Variants in CA10 observed in about 807,000 individuals in gnomAD.
CA10 encodes the protein carbonic anhydrase-related protein 10.
In CA10, 14 loss-of-function variants were observed where a neutral mutation model predicts 44.2. That is an observed-to-expected ratio of 0.32 (90% CI 0.21 to 0.50). The LOEUF (loss-of-function observed/expected upper bound fraction) is 0.50, where lower values mean the gene tolerates loss of function less well. Ranked by LOEUF, CA10 falls within the 20% of genes least tolerant of loss-of-function variation. CA10 has a pLI of 0.99. For missense variants in CA10, 350 were observed against 409.7 expected (o/e 0.85, Z 1.26); for synonymous variants, 159 against 141.6 (o/e 1.12, Z -0.87).
At chr17:51,922,537 C>T (rs1236192456) in intron 3 of CA10, among the ~76,000 whole-genome samples, 5 of 152,176 alleles carry the variant, frequency 3.3e-5, no homozygotes, top group African/African-American at 1.2e-4. Flanking sequence ...TCTGGTCCTC[C>T]TTGGCTCTAA....
At chr17:51,892,977 T>A (rs1980922693) in intron 3 of CA10, among the ~76,000 whole-genome samples, 2 of 152,160 alleles carry the variant, frequency 1.3e-5, no homozygotes, top group African/African-American at 2.4e-5. Flanking sequence ...TTTTCATTAC[T>A]TCCAGTTAAA....
At chr17:51,756,917 C>G (rs1408334615) in intron 3 of CA10, among the ~76,000 whole-genome samples, 2 of 152,080 alleles carry the variant, frequency 1.3e-5, no homozygotes, top group East Asian at 3.9e-4. Flanking sequence ...AGTTCCAGTC[C>G]CCGCTTGCTG....
chr17:52,051,644 C>T (rs1159751868), intron 2 of CA10, among the ~76,000 whole-genome samples: 1 of 151,972 alleles, frequency 6.6e-6, no homozygotes, highest in Non-Finnish European at 1.5e-5. Context: ...ATAACATATG[C>T]TGACAAGGTT....
At chr17:51,745,575 C>G (rs943948964) in intron 4 of CA10, among the ~76,000 whole-genome samples, 5 of 151,956 alleles carry the variant, frequency 3.3e-5, no homozygotes, top group Non-Finnish European at 7.4e-5. Context: ...AATTCATACA[C>G]TAAGAGATCA....
chr17:51,857,537 T>A (rs8076116), intron 3 of CA10, among the ~76,000 whole-genome samples: 1 of 152,104 alleles, frequency 6.6e-6, no homozygotes, highest in African/African-American at 2.4e-5. Flanking sequence ...TACAAAAATC[T>A]GGTTCAGATA....
At chr17:51,636,170 T>C (rs1912819997) in intron 6 of CA10, among the ~76,000 whole-genome samples, 161 bp from the exon 7 acceptor site, 1 of 152,164 alleles carries the variant, frequency 6.6e-6, no homozygotes, top group Admixed American at 6.5e-5. Context: ...ACTCTATCTG[T>C]CAGAACAGGC....
chr17:51,855,994 A>G (rs1215235397), intron 3 of CA10, among the ~76,000 whole-genome samples: 1 of 152,132 alleles, frequency 6.6e-6, no homozygotes, highest in East Asian at 1.9e-4. Flanking sequence ...TGGGGGGCTG[A>G]AGGAGCAAAC....
intron 3 of CA10, among the ~76,000 whole-genome samples, chr17:51,891,750 C>T (rs1567875244): frequency 6.6e-6 from 1 of 152,096 alleles, no homozygotes; most frequent in Admixed American, 6.6e-5. Context: ...TTCCTTTTGC[C>T]CCGCCCTGTC....
chr17:51,761,551 A>C (rs982567236), intron 3 of CA10: 1 of 152,180 alleles, frequency 6.6e-6, no homozygotes, highest in African/African-American at 2.4e-5. Flanking sequence ...AGATGATGGA[A>C]GAATTCCCAG....
rs555732305 is a variant in CA10 at position 51,854,645 on chromosome 17, G to C, written c.279+76345C>G. On this transcript the variant is annotated intron_variant, in intron 3 of 8. Coordinates refer to ENST00000451037, the MANE Select transcript of CA10 (RefSeq NM_020178.5). ...TGTGGAGGGTCCCTGGAAGGCAGAG[G>C]CATCAAGTCTTGGTTCCCCTTTCTC... Among the ~76,000 whole-genome samples the C allele has an allele frequency of 1.2e-4, 19 of 152,218 alleles. No individual in the cohort carries two copies. In the East Asian group the frequency reaches 2.9e-3, roughly 23 times the overall value.
At chr17:51,874,403 A>C (rs994919085) in intron 3 of CA10, among the ~76,000 whole-genome samples, 11 of 151,842 alleles carry the variant, frequency 7.2e-5, no homozygotes, top group East Asian at 3.9e-4. Flanking sequence ...AAAAAAAAAA[A>C]AAACAAAAAC....
intron 3 of CA10, among the ~76,000 whole-genome samples, chr17:51,927,552 C>G (rs1162234835): frequency 1.3e-5 from 2 of 152,116 alleles, no homozygotes; most frequent in African/African-American, 4.8e-5. Flanking sequence ...CCATATTTTA[C>G]TCTGCGGTAA....
intron 3 of CA10, among the ~76,000 whole-genome samples, chr17:51,850,761 G>T (rs1474766465): frequency 6.6e-6 from 1 of 152,198 alleles, no homozygotes; most frequent in Non-Finnish European, 1.5e-5. Flanking sequence ...AGTTCTTGGT[G>T]CATGTGTTGA....
intron 1 of CA10, among the ~76,000 whole-genome samples, chr17:52,122,925 C>A (rs1989042079): frequency 6.6e-6 from 1 of 152,188 alleles, no homozygotes; most frequent in South Asian, 2.1e-4. Flanking sequence ...TTTCTCCCCA[C>A]CTGTAACCAG....
intron 3 of CA10, among the ~76,000 whole-genome samples, chr17:51,874,310 T>C (rs1014594682): frequency 6.6e-6 from 1 of 151,380 alleles, no homozygotes; most frequent in Admixed American, 6.6e-5. Flanking sequence ...TTAGTGGAGG[T>C]TTTGTCCAAC....
chr17:51,646,250 G>A (rs9905845), intron 6 of CA10, among the ~76,000 whole-genome samples: 13 of 152,204 alleles, frequency 8.5e-5, no homozygotes, highest in East Asian at 5.8e-4. Context: ...CAATCATACC[G>A]CTCTGAAGGA....
intron 2 of CA10, among the ~76,000 whole-genome samples, chr17:51,941,946 C>T (rs1324563771): frequency 1.3e-5 from 2 of 152,242 alleles, no homozygotes; most frequent in South Asian, 2.1e-4. Context: ...CACTCACTCT[C>T]TCTGTACGTA....
chr17:51,889,437 T>A lies in CA10; in HGVS notation c.279+41553A>T, dbSNP rs142910653. On this transcript the variant is annotated intron_variant, in intron 3 of 8. Coordinates refer to ENST00000451037, the MANE Select transcript of CA10 (RefSeq NM_020178.5). Reference sequence around the variant, plus strand: ...TAACCAGGAGGCTGAGGTGGGAGGATCACCCAAACCTGGGAGGTCGAGGCT... The same window carrying A: ...TAACCAGGAGGCTGAGGTGGGAGGAACACCCAAACCTGGGAGGTCGAGGCT... Among the ~76,000 whole-genome samples the A allele has an allele frequency of 6.7e-3, 1,023 of 152,192 alleles. 4 individuals carry two copies. Among genetic ancestry groups the A allele is most frequent in the African/African-American group, 0.023 (954 of 41,514 alleles).
Position 51,791,075 on chromosome 17 carries a change from C to T in CA10, c.280-43257G>A, listed in dbSNP as rs146407468. 8.0e-4 allele frequency among the ~76,000 whole-genome samples: 122 copies of T among 152,226 alleles called. 1 individual carries two copies. The East Asian group carries it at 0.015, about 19-fold the overall frequency. On this transcript the variant is annotated intron_variant, in intron 3 of 8. Coordinates refer to ENST00000451037, the MANE Select transcript of CA10 (RefSeq NM_020178.5). ...AGTTTCTGCATTTGTAAAATGAGAACGAAGATACATACCTCAAAGCACTTT... is the reference window on the plus strand; with the variant it reads ...AGTTTCTGCATTTGTAAAATGAGAATGAAGATACATACCTCAAAGCACTTT...
Sources: gnomAD v4.1 joint callset for allele counts (sites outside exome capture counted in the v4.1 genomes callset) on GRCh38, gnomAD v4.1.1 for gene constraint, MANE v1.5 for transcripts, NCBI Gene and HGNC (gene_info 2026-07-23, HGNC 2026-07-21) for gene names.